The following KCNMA1 variants were observed in gnomAD, a reference collection of about 807,000 sequenced individuals.
The protein encoded by KCNMA1 is potassium calcium-activated channel subfamily M alpha 1, also known as Calcium-activated potassium channel subunit alpha-1.
In KCNMA1, 29 loss-of-function variants were observed where a neutral mutation model predicts 140.0. The ratio of observed to expected loss-of-function variants is 0.21; its 90% CI spans 0.15 to 0.28. The LOEUF (loss-of-function observed/expected upper bound fraction) is 0.28. Ranked by LOEUF, KCNMA1 falls within the 10% of genes least tolerant of loss-of-function variation. KCNMA1 has a pLI of 1.00. For synonymous variants in KCNMA1, 612 were observed against 611.9 expected (o/e 1.00, Z 0.00); for missense variants, 880 against 1,602.2 (o/e 0.55, Z 7.70).
intron 2 of KCNMA1, among the ~76,000 whole-genome samples, chr10:77,264,694 A>T (rs946665389): frequency 3.9e-5 from 6 of 152,128 alleles, no homozygotes; most frequent in Admixed American, 1.3e-4. Flanking sequence ...CATGTGTCAA[A>T]TTTATATGTG....
At chr10:77,102,716 C>A (rs1341054059) in intron 9 of KCNMA1, among the ~76,000 whole-genome samples, 2 of 152,208 alleles carry the variant, frequency 1.3e-5, no homozygotes, top group African/African-American at 4.8e-5. Context: ...CGTTAGTTAG[C>A]ATCTCCTCCT....
intron 2 of KCNMA1, among the ~76,000 whole-genome samples, chr10:77,273,525 A>G (rs1256695235): frequency 6.6e-6 from 1 of 152,234 alleles, no homozygotes; most frequent in Admixed American, 6.5e-5. Flanking sequence ...CAACCTGAAA[A>G]GGTTTGTGGA....
intron 2 of KCNMA1, among the ~76,000 whole-genome samples, chr10:77,359,126 C>T (rs2093734189): frequency 6.6e-6 from 1 of 152,174 alleles, no homozygotes; most frequent in South Asian, 2.1e-4. Flanking sequence ...AATATTCTTC[C>T]TGTTCTACCC....
intron 1 of KCNMA1, among the ~76,000 whole-genome samples, chr10:77,541,945 T>C (rs1039378177): frequency 1.3e-5 from 2 of 152,216 alleles, no homozygotes; most frequent in Admixed American, 1.3e-4. Flanking sequence ...TATCTTTAGG[T>C]CATTGTGACA....
chr10:77,052,297 G>A (rs997764377), intron 14 of KCNMA1, among the ~76,000 whole-genome samples: 1 of 152,054 alleles, frequency 6.6e-6, no homozygotes, highest in Non-Finnish European at 1.5e-5. Context: ...GTTAACTCTG[G>A]GTAGATATGA....
intron 20 of KCNMA1, 97 bp from the exon 21 acceptor site, chr10:76,954,021 C>T (rs539722294): frequency 1.5e-6 from 2 of 1,361,908 alleles, no homozygotes; most frequent in South Asian, 2.5e-5. Context: ...GTGAAAGATG[C>T]AGAGGAAGTG....
intron 14 of KCNMA1, among the ~76,000 whole-genome samples, chr10:77,052,145 GA>G (rs1372750644): frequency 6.6e-6 from 1 of 152,168 alleles, no homozygotes; most frequent in Non-Finnish European, 1.5e-5. Flanking sequence ...GCTGCTGCTA[GA>G]AAAGGCTGGA....
At chr10:77,550,212 T>C (rs1228215400) in intron 1 of KCNMA1, among the ~76,000 whole-genome samples, 1 of 151,986 alleles carries the variant, frequency 6.6e-6, no homozygotes, top group Non-Finnish European at 1.5e-5. Context: ...GAGTGAAGGG[T>C]TGGAGAAGAG....
At chr10:77,287,368 T>A (rs931206984) in intron 2 of KCNMA1, among the ~76,000 whole-genome samples, 1 of 152,168 alleles carries the variant, frequency 6.6e-6, no homozygotes, top group Admixed American at 6.5e-5. Context: ...AAGCACAGAC[T>A]ATCTACCTAC....
At chr10:77,518,311 A>G (rs1457103166) in intron 1 of KCNMA1, among the ~76,000 whole-genome samples, 2 of 152,178 alleles carry the variant, frequency 1.3e-5, no homozygotes, top group Non-Finnish European at 2.9e-5. Flanking sequence ...CTCAAAGGAG[A>G]GAGGATGTGT....
At chr10:76,914,175 G>T in intron 24 of KCNMA1, 1 of 1,402,814 alleles carries the variant, frequency 7.1e-7, no homozygotes, top group Non-Finnish European at 9.9e-7. Context: ...GGGAAAGGGA[G>T]TGGAGGAAAG....
chr10:77,127,923 G>A (rs2097776545), intron 5 of KCNMA1, among the ~76,000 whole-genome samples: 1 of 151,940 alleles, frequency 6.6e-6, no homozygotes, highest in African/African-American at 2.4e-5. Context: ...GCAGTGAGCC[G>A]AGATCTCGCC....
intron 16 of KCNMA1, 118 bp from the exon 17 acceptor site, chr10:77,019,217 TC>T: frequency 1.4e-6 from 1 of 691,150 alleles, no homozygotes; most frequent in Non-Finnish European, 2.6e-6. Flanking sequence ...TCTAAAGCTT[TC>T]CCCAAAGATT....
intron 1 of KCNMA1, among the ~76,000 whole-genome samples, chr10:77,587,515 G>A (rs914270254): frequency 9.2e-5 from 14 of 152,172 alleles, no homozygotes; most frequent in Admixed American, 6.5e-5. Context: ...GAGGGAACAG[G>A]AGCCTTTCCT....
chr10:77,017,393 G>C (rs115592680), intron 17 of KCNMA1, among the ~76,000 whole-genome samples: 5 of 152,124 alleles, frequency 3.3e-5, no homozygotes, highest in African/African-American at 9.7e-5. Context: ...GAGAGGGAAG[G>C]TTCAGTCCCA....
intron 3 of KCNMA1, among the ~76,000 whole-genome samples, chr10:77,210,289 T>C (rs2045633040): frequency 6.6e-6 from 1 of 152,062 alleles, no homozygotes; most frequent in African/African-American, 2.4e-5. Context: ...GCGATTAGCA[T>C]TATAAACAGA....
intron 1 of KCNMA1, among the ~76,000 whole-genome samples, chr10:77,621,544 A>C (rs1190723316): frequency 1.4e-5 from 2 of 147,496 alleles, no homozygotes; most frequent in Non-Finnish European, 2.9e-5. Context: ...ACACACACAC[A>C]CACCCCTCTC....
intron 3 of KCNMA1, among the ~76,000 whole-genome samples, chr10:77,233,775 C>T (rs867968559): frequency 3.3e-5 from 5 of 152,108 alleles, no homozygotes; most frequent in Admixed American, 6.5e-5. Context: ...TTCGGAGGAC[C>T]GAAACAGCTC....
intron 23 of KCNMA1, among the ~76,000 whole-genome samples, chr10:76,920,094 T>C (rs965207553): frequency 7.2e-6 from 1 of 138,272 alleles, no homozygotes; most frequent in Non-Finnish European, 1.5e-5. Flanking sequence ...AGAAGGACTA[T>C]GGCTCAGACA....
Sources: allele counts gnomAD v4.1 joint callset (sites outside exome capture counted in the v4.1 genomes callset), GRCh38; gene constraint gnomAD v4.1.1; transcripts MANE v1.5; gene names NCBI Gene and HGNC (gene_info 2026-07-23, HGNC 2026-07-21).